Variants in CNKSR2 observed in about 807,000 individuals in gnomAD.
The protein encoded by CNKSR2 is CNK homolog protein 2.
A neutral mutation model predicts 84.4 loss-of-function variants in CNKSR2; 14 were observed. The observed-to-expected ratio is 0.17, with a 90% CI of 0.11 to 0.26. The LOEUF is 0.26. Among genes scored for constraint, CNKSR2 ranks in the 10% least tolerant of loss-of-function variants. The pLI is 1.00. For missense variants in CNKSR2, 485 were observed against 771.2 expected, an observed-to-expected ratio of 0.63 and a Z score of 4.40; for synonymous variants, 275 against 277.9, an observed-to-expected ratio of 0.99 and a Z score of 0.10.
At chrX:21,605,851 T>C (rs773452662) in intron 18 of CNKSR2, among the ~76,000 whole-genome samples, 1 of 112,163 alleles carries the variant, frequency 8.9e-6, no homozygotes, top group African/African-American at 3.2e-5. Flanking sequence ...GATTTAAATT[T>C]TCATAAGAAT....
chrX:21,400,406 A>G (rs1432776997), intron 1 of CNKSR2, among the ~76,000 whole-genome samples: 3 of 111,163 alleles, frequency 2.7e-5, no homozygotes, highest in Non-Finnish European at 5.7e-5. Context: ...AGAACTCCAC[A>G]TAATTTCCAT....
intron 2 of CNKSR2, chrX:21,429,206 C>G (rs1471595378): frequency 8.9e-6 from 1 of 112,115 alleles, no homozygotes; most frequent in African/African-American, 3.2e-5. Context: ...TGAATCAGTT[C>G]TAAGTCATTA....
chrX:21,616,559 A>G (rs1217985005), intron 20 of CNKSR2, among the ~76,000 whole-genome samples: 1 of 112,107 alleles, frequency 8.9e-6, no homozygotes, highest in African/African-American at 3.2e-5. Context: ...GAGACCACAA[A>G]GCTGGGATGC....
chrX:21,410,038 G>C (rs1601750932), intron 1 of CNKSR2, among the ~76,000 whole-genome samples: 1 of 107,931 alleles, frequency 9.3e-6, no homozygotes, highest in African/African-American at 3.4e-5. Context: ...GTGTCTGTGT[G>C]TGTGTGTGTG....
chrX:21,509,868 C>A (rs1486652838), intron 8 of CNKSR2, among the ~76,000 whole-genome samples: 1 of 111,716 alleles, frequency 9.0e-6, no homozygotes, highest in African/African-American at 3.2e-5. Flanking sequence ...ATTTCCTTCA[C>A]ATAGATTGTT....
At position 21,637,347 on chromosome X, in the gene CNKSR2, C is replaced by T. The variant is rs1040611940; in HGVS notation, c.2693-11484C>T. ...AACAGTATTTTCTTACCTGTTTTGC[C>T]TATGGCTTAGGTTCATCAAATATTT... On this transcript the variant is annotated intron_variant, in intron 20 of 21. Transcript: ENST00000379510. 3.6e-5 allele frequency: 4 copies of T among 111,625 alleles called. No homozygotes were observed. The East Asian group carries it at 8.4e-4, about 23-fold the overall frequency. 9.2% of individuals were successfully genotyped at this position (111,625 alleles called of 1,213,427 possible).
intron 8 of CNKSR2, chrX:21,505,882 C>T (rs1393881875): frequency 1.1e-4 from 12 of 111,277 alleles, no homozygotes; most frequent in Non-Finnish European, 1.9e-4. Context: ...TTTTGATTTG[C>T]TAAATTGTTG....
chrX:21,487,542 T>G (rs2091398356), intron 5 of CNKSR2, among the ~76,000 whole-genome samples: 1 of 112,035 alleles, frequency 8.9e-6, no homozygotes, highest in African/African-American at 3.2e-5. Flanking sequence ...CTTCGTACCC[T>G]TCAGATTAGC....
At chrX:21,419,224 A>G (rs760015932) in intron 1 of CNKSR2, among the ~76,000 whole-genome samples, 3 of 110,655 alleles carry the variant, frequency 2.7e-5, no homozygotes, top group South Asian at 7.7e-4. Flanking sequence ...TTTCAGCTCC[A>G]GTATTTCTGC....
chrX:21,548,350 A>T (rs2147157899), intron 11 of CNKSR2, among the ~76,000 whole-genome samples: 1 of 111,445 alleles, frequency 9.0e-6, no homozygotes, highest in African/African-American at 3.3e-5. Context: ...GAGACATGAC[A>T]CCCTCCCAAG....
intron 3 of CNKSR2, among the ~76,000 whole-genome samples, chrX:21,437,649 A>C (rs941344709): frequency 9.1e-6 from 1 of 109,420 alleles, no homozygotes. Context: ...TGAACTCCTG[A>C]CCTCGTGATC....
chrX:21,468,678 G>A (rs2091159446), intron 4 of CNKSR2: 1 of 111,314 alleles, frequency 9.0e-6, no homozygotes, highest in Admixed American at 9.6e-5. Context: ...TTACTAGGTT[G>A]GTCATTGTTC....
chrX:21,478,519 C>G (rs2091282638), intron 5 of CNKSR2, among the ~76,000 whole-genome samples: 1 of 111,879 alleles, frequency 8.9e-6, no homozygotes, highest in Admixed American at 9.5e-5. Flanking sequence ...GGTGTTTTTG[C>G]TAACATTACA....
chrX:21,547,964 C>T (rs1194506942), intron 11 of CNKSR2, among the ~76,000 whole-genome samples: 1 of 111,817 alleles, frequency 8.9e-6, no homozygotes, highest in African/African-American at 3.3e-5. Context: ...TAAATGCCCA[C>T]AGGAGAAAAT....
intron 4 of CNKSR2, among the ~76,000 whole-genome samples, chrX:21,456,754 T>C (rs2091000334): frequency 9.0e-6 from 1 of 111,552 alleles, no homozygotes. Context: ...CTGGATAATA[T>C]AGTCGTTCTA....
rs1278180437 is a variant in CNKSR2 at position 21,609,603 on chromosome X, A to C, written c.2678A>C (p.Asn893Thr). 6 of 1,195,185 alleles carry C rather than the reference A, an allele frequency of 5.0e-6. No homozygotes were observed. Among genetic ancestry groups the C allele is most frequent in the Non-Finnish European group, 6.7e-6 (6 of 889,527 alleles). The change falls in exon 20 of 22, where the codon AAC (asparagine) becomes ACC (threonine). Residue 893 changes from asparagine (N) to threonine (T), a missense_variant. Transcript: ENST00000379510. ...EEEEGEAAGENIGEKSESREE... is the reference protein window; with the variant it reads ...EEEEGEAAGETIGEKSESREE... Reference sequence around the variant, plus strand: ...GAGGAAGGGGAGGCAGCAGGGGAAAACATAGGAGAAAAAAGTAAGTATGTT... The same window carrying C: ...GAGGAAGGGGAGGCAGCAGGGGAAACCATAGGAGAAAAAAGTAAGTATGTT...
At chrX:21,407,791 A>G (rs2090284593) in intron 1 of CNKSR2, among the ~76,000 whole-genome samples, 1 of 112,080 alleles carries the variant, frequency 8.9e-6, no homozygotes, top group Non-Finnish European at 1.9e-5. Flanking sequence ...TTCCTTTATC[A>G]TTATTGAATG....
At chrX:21,583,947 C>T (rs1036079594) in intron 13 of CNKSR2, among the ~76,000 whole-genome samples, 7 of 111,671 alleles carry the variant, frequency 6.3e-5, no homozygotes, top group African/African-American at 2.0e-4. Flanking sequence ...TTGCATGCAT[C>T]GCCATGGTTA....
At chrX:21,589,172 T>C (rs1185036116) in intron 13 of CNKSR2, among the ~76,000 whole-genome samples, 1 of 112,621 alleles carries the variant, frequency 8.9e-6, no homozygotes, top group Non-Finnish European at 1.9e-5. Flanking sequence ...ATATTTATAA[T>C]GCTTTAACAC....
Sources: allele counts gnomAD v4.1 joint callset (sites outside exome capture counted in the v4.1 genomes callset), GRCh38; gene constraint gnomAD v4.1.1; transcripts MANE v1.5; gene names NCBI Gene and HGNC (gene_info 2026-07-23, HGNC 2026-07-21).